The following IFRD2 variants were observed in gnomAD, a reference collection of about 807,000 sequenced individuals.
IFRD2 encodes the protein interferon-related developmental regulator 2.
A neutral mutation model predicts 49.2 loss-of-function variants in IFRD2; 35 were observed. The ratio of observed to expected loss-of-function variants is 0.71; its 90% CI spans 0.54 to 0.94. The LOEUF (loss-of-function observed/expected upper bound fraction) is 0.94, where lower values mean the gene tolerates loss of function less well. Ranked by LOEUF, IFRD2 falls within the 40% of genes least tolerant of loss-of-function variation. The probability of loss-of-function intolerance (pLI) is 0.00; values close to 1 mark genes in which losing one functional copy is unlikely to be tolerated. For synonymous variants in IFRD2, 275 were observed against 239.7 expected (o/e 1.15, Z -1.36); for missense variants, 561 against 591.6 (o/e 0.95, Z 0.54).
intron 3 of IFRD2, 30 bp downstream of exon 3, chr3:50,290,358 G>A (rs782133623): frequency 8.1e-6 from 13 of 1,596,240 alleles, no homozygotes; most frequent in African/African-American, 8.0e-5. Flanking sequence ...TTGGAGCTGG[G>A]TGTAGGAGTT....
In IFRD2 at chr3:50,288,717, G is replaced by C; in HGVS notation, c.1024-6C>G. On this transcript the variant is annotated splice_region_variant and splice_polypyrimidine_tract_variant and intron_variant, in intron 9 of 11. Coordinates refer to ENST00000417626, the MANE Select transcript of IFRD2 (RefSeq NM_006764.5). ...TCTTCTTCGCATTCACCGCCCTGCA[G>C]GGTAGAGGTGCCAACACAACTGGGC... The C allele has an allele frequency of 6.2e-7, 1 of 1,613,168 alleles. No homozygotes were observed. The highest frequency in any genetic ancestry group is 8.5e-7 in the Non-Finnish European group (1 of 1,179,550).
intron 8 of IFRD2, 24 bp downstream of exon 8, chr3:50,289,231 A>AC (rs1559801776): frequency 3.9e-6 from 6 of 1,544,238 alleles, no homozygotes; most frequent in Non-Finnish European, 5.3e-6. Context: ...GTCACCAAGC[A>AC]CCCCCCATCC....
chr3:50,288,909 G>A lies in IFRD2; in HGVS notation c.914C>T (p.Ala305Val), dbSNP rs1701614852. ...CAGAGTGCGCAGGACACTGCAGAGGGCCTCCATGTCCTCGTAAACAAACTC... is the reference window on the plus strand; with the variant it reads ...CAGAGTGCGCAGGACACTGCAGAGGACCTCCATGTCCTCGTAAACAAACTC... ...EEEFVYEDMEALCSVLRTLAT... is the reference protein window; with the variant it reads ...EEEFVYEDMEVLCSVLRTLAT... Residue 305 changes from alanine (A) to valine (V), a missense_variant, in exon 9 of 12, where the codon GCC becomes GTC. By Grantham distance (64) the Ala-to-Val change is moderately conservative. Coordinates refer to ENST00000417626, the MANE Select transcript of IFRD2 (RefSeq NM_006764.5). 10 of 1,613,092 alleles carry A rather than the reference G, an allele frequency of 6.2e-6. No individual in the cohort carries two copies. The highest frequency in any genetic ancestry group is 8.5e-6 in the Non-Finnish European group (10 of 1,179,472).
chr3:50,290,405 G>A lies in IFRD2; in HGVS notation c.246C>T (p.Asp82=), dbSNP rs781797390. 5.1e-6 allele frequency: 8 copies of A among 1,581,188 alleles called. No individual in the cohort carries two copies. Among genetic ancestry groups the A allele is most frequent in the Non-Finnish European group, 6.9e-6 (8 of 1,162,892 alleles). The part of the protein sequence containing the change: ...DLEEKLKEYV[D]CLTDKSAKTR... ...AGGGGTACCTCTTGTCTGTGAGACA[G>A]TCCACATACTCCTTCAGCTTTTCCT... The change falls in exon 3 of 12, where the codon GAC becomes GAT. Residue 82 remains aspartate (D), a synonymous_variant. Coordinates refer to ENST00000417626, the MANE Select transcript of IFRD2 (RefSeq NM_006764.5).
At chr3:50,292,071 G>A (rs782265064) in intron 1 of IFRD2, 146 bp downstream of exon 1, 16 of 884,202 alleles carry the variant, frequency 1.8e-5, no homozygotes, top group Middle Eastern at 3.5e-4. Context: ...GCTGGGGCAC[G>A]TGCCAGCCTC....
Position 50,290,392 on chromosome 3 carries a change from T to C in IFRD2, c.259A>G (p.Lys87Glu). ...LKEYVDCLTD[K>E]SAKTRQGALE... ...TTGGCTGGCAGCCAGGGGTACCTCT[T>C]GTCTGTGAGACAGTCCACATACTCC... is the stretch of plus-strand genomic sequence containing the variant. Residue 87 changes from lysine to glutamate, a missense_variant, in exon 3 of 12, where the codon AAG becomes GAG. Physicochemically the swap from Lys to Glu is moderately conservative, Grantham distance 56. Coordinates refer to ENST00000417626, the MANE Select transcript of IFRD2 (RefSeq NM_006764.5). 2 of 1,583,722 alleles carry C rather than the reference T, an allele frequency of 1.3e-6. No homozygotes were observed. Among genetic ancestry groups the C allele is most frequent in the Non-Finnish European group, 1.7e-6 (2 of 1,164,352 alleles).
chr3:50,288,537 A>T (rs1559801320), intron 10 of IFRD2, 33 bp from the exon 11 acceptor site: 1 of 1,613,988 alleles, frequency 6.2e-7, no homozygotes, highest in Non-Finnish European at 8.5e-7. Context: ...CTCAGGCCAG[A>T]CTGAAGCAAC....
rs376540337 is a variant in IFRD2 at position 50,291,325 on chromosome 3, T to G, written c.59-646A>C. Among the ~76,000 whole-genome samples, 14 of 152,240 alleles carry G rather than the reference T, an allele frequency of 9.2e-5. No individual in the cohort carries two copies. In the East Asian group the frequency reaches 2.1e-3, roughly 23 times the overall value. On this transcript the variant is annotated intron_variant, in intron 1 of 11. Coordinates refer to ENST00000417626, the MANE Select transcript of IFRD2 (RefSeq NM_006764.5). ...ACGCCCAGCCTGCTCCCATTTTATC[T>G]TACTATTCTACCTGCCGGAGCAGCC...
Position 50,289,304 on chromosome 3 carries a change from G to A in IFRD2, c.836C>T (p.Ala279Val). ...GAGCAGTGCAATGGTTTCACCGGCA[G>A]CGATCCGCAGGTTCACACTTTCACT... ...LSSESVNLRI[A>V]AGETIALLFE... is the part of the protein sequence containing the mutation. The change falls in exon 8 of 12, where the codon GCT becomes GTT. Residue 279 changes from alanine (A) to valine (V), a missense_variant. Transcript: ENST00000417626. The A allele has an allele frequency of 1.3e-6, 2 of 1,599,010 alleles. No individual in the cohort carries two copies. The highest frequency in any genetic ancestry group is 1.7e-6 in the Non-Finnish European group (2 of 1,173,072).
chr3:50,292,304 T>C lies in IFRD2; in HGVS notation c.-30A>G, dbSNP rs1553709937. The C allele has an allele frequency of 1.3e-6, 2 of 1,562,572 alleles. No individual in the cohort carries two copies. Among genetic ancestry groups the C allele is most frequent in the Non-Finnish European group, 1.7e-6 (2 of 1,156,490 alleles). On this transcript the variant is annotated 5_prime_UTR_variant, in exon 1 of 12. It removes the in-frame stop codon of an upstream open reading frame in the 5' UTR. Coordinates refer to ENST00000417626, the MANE Select transcript of IFRD2 (RefSeq NM_006764.5). ...GGAACCGGGCGCGGGGGGCGCGGGGTCAGGGACCCGGTGGGTGTGGGCTCC... is the reference window on the plus strand; with the variant it reads ...GGAACCGGGCGCGGGGGGCGCGGGGCCAGGGACCCGGTGGGTGTGGGCTCC...
chr3:50,289,204 T>A (rs1559801763), intron 8 of IFRD2, 51 bp downstream of exon 8: 1 of 1,457,582 alleles, frequency 6.9e-7, no homozygotes, highest in Admixed American at 2.0e-5. Flanking sequence ...GCATCCAGCC[T>A]GTGATGGGCA....
At chr3:50,291,412 C>T (rs1297859580) in intron 1 of IFRD2, among the ~76,000 whole-genome samples, 1 of 152,148 alleles carries the variant, frequency 6.6e-6, no homozygotes, top group African/African-American at 2.4e-5. Flanking sequence ...CTTTGTACAA[C>T]TTGCTCTCTT....
rs782196551 is a variant in IFRD2, at chr3:50,289,674, C to T, written c.597+38G>A. 10 of 1,595,228 alleles carry T rather than the reference C, an allele frequency of 6.3e-6. No homozygotes were observed. The South Asian group carries it at 1.1e-4, about 18-fold the overall frequency. On this transcript the variant is annotated intron_variant, in intron 6 of 11. Transcript: ENST00000417626. ...GGGAGCTCAGAGGCAGAGTTACAGC[C>T]CTAGATGCTCTACCACCTGTGCCCA...
Position 50,289,340 on chromosome 3 carries a change from TGGGGCAGCC to T in IFRD2, c.791_799del (p.Arg264_Pro266del). The T allele has an allele frequency of 6.2e-7, 1 of 1,600,308 alleles. No individual in the cohort carries two copies. Among genetic ancestry groups the T allele is most frequent in the African/African-American group, 1.3e-5 (1 of 74,788 alleles). ...GTTCACACTTTCACTGGACAAGAGC[TGGGGCAGCC>T]GGGGCAGCTGCCTAGGGAAGGGGCA... On this transcript the variant is annotated inframe_deletion, in exon 8 of 12. Coordinates refer to ENST00000417626, the MANE Select transcript of IFRD2 (RefSeq NM_006764.5).
At position 50,288,522 on chromosome 3, in the gene IFRD2, G is replaced by A. The variant is rs782186228; in HGVS notation, c.1153-18C>T. ...TCATTGTTCTGGGGGGCAGAGGGCA[G>A]TGAGCTCAGGCCAGACTGAAGCAAC... On this transcript the variant is annotated intron_variant, in intron 10 of 11. Transcript: ENST00000417626. 6.2e-7 allele frequency: 1 copy of A among 1,614,004 alleles called. No individual in the cohort carries two copies. Among genetic ancestry groups the A allele is most frequent in the Non-Finnish European group, 8.5e-7 (1 of 1,179,880 alleles).
At chr3:50,288,305 G>A in intron 11 of IFRD2, 34 bp from the exon 12 acceptor site, 2 of 1,609,456 alleles carry the variant, frequency 1.2e-6, no homozygotes, top group East Asian at 2.2e-5. Flanking sequence ...ACCCTGGGGA[G>A]CTGGGAAGGG....
chr3:50,289,139 G>T (rs1553709166), intron 8 of IFRD2, 116 bp downstream of exon 8: 1 of 1,168,630 alleles, frequency 8.6e-7, no homozygotes, highest in East Asian at 2.6e-5. Context: ...TCTGTTTTGG[G>T]GCCACCTCCT....
chr3:50,290,718 T>C, intron 1 of IFRD2, 39 bp from the exon 2 acceptor site: 1 of 1,603,882 alleles, frequency 6.2e-7, no homozygotes, highest in South Asian at 1.1e-5. Flanking sequence ...TTGCCTCTAC[T>C]GATGAGGGAT....
chr3:50,287,918 A>AGGCCCCCTAGTGCC lies in IFRD2; in HGVS notation c.*259_*272dup. On this transcript the variant is annotated 3_prime_UTR_variant, in exon 12 of 12. Coordinates refer to ENST00000417626, the MANE Select transcript of IFRD2 (RefSeq NM_006764.5). ...GGCCTGAGAAAGGAAAGGAAGGGAA[A>AGGCCCCCTAGTGCC]GGCCCCCTAGTGCCTGCCCCACAGC... The AGGCCCCCTAGTGCC allele has an allele frequency of 2.3e-6, 1 of 438,892 alleles. No individual in the cohort carries two copies. The highest frequency in any genetic ancestry group is 4.2e-6 in the Non-Finnish European group (1 of 240,588). The allele number at this position is 438,892 out of a possible 1,614,324, so 27.2% of individuals were successfully genotyped here.
Sources: allele counts gnomAD v4.1 joint callset (sites outside exome capture counted in the v4.1 genomes callset), GRCh38; gene constraint gnomAD v4.1.1; transcripts MANE v1.5; gene names NCBI Gene and HGNC (gene_info 2026-07-23, HGNC 2026-07-21).